Variants in CELF1 observed in about 807,000 individuals in gnomAD.
CELF1 encodes the protein 50 kDa nuclear polyadenylated RNA-binding protein.
CELF1 carries 10 observed loss-of-function variants against 61.8 expected under a neutral mutation model. That is an observed-to-expected ratio of 0.16 (90% confidence interval 0.10 to 0.27). The LOEUF (loss-of-function observed/expected upper bound fraction) is 0.27. Among genes scored for constraint, CELF1 ranks in the 10% least tolerant of loss-of-function variants. The probability of loss-of-function intolerance (pLI) is 1.00; values close to 1 mark genes in which losing one functional copy is unlikely to be tolerated. For synonymous variants in CELF1, 236 were observed against 225.1 expected (o/e 1.05, Z -0.43); for missense variants, 380 against 639.1 (o/e 0.59, Z 4.37).
intron 4 of CELF1, 42 bp from the exon 5 acceptor site, chr11:47,487,283 A>AG: frequency 2.0e-6 from 3 of 1,490,650 alleles, no homozygotes; most frequent in Non-Finnish European, 2.8e-6. Flanking sequence ...TTTGGAAAGC[A>AG]GAGAATTCCT....
intron 1 of CELF1, among the ~76,000 whole-genome samples, chr11:47,519,338 C>T (rs1052590543): frequency 3.3e-5 from 5 of 151,868 alleles, no homozygotes; most frequent in African/African-American, 1.2e-4. Flanking sequence ...CAAATTAGCC[C>T]GGCGTGGAGG....
chr11:47,509,302 C>A (rs1336138059), intron 1 of CELF1, among the ~76,000 whole-genome samples: 1 of 152,154 alleles, frequency 6.6e-6, no homozygotes, highest in South Asian at 2.1e-4. Flanking sequence ...TGGAACTCCA[C>A]GGATGTCTGT....
At chr11:47,563,987 A>G (rs1329464639) in intron 2 of CELF1, among the ~76,000 whole-genome samples, 1 of 151,360 alleles carries the variant, frequency 6.6e-6, no homozygotes, top group African/African-American at 2.4e-5. Context: ...CTTGGGTGAC[A>G]AGAGTGAAAC....
intron 6 of CELF1, 48 bp from the exon 7 acceptor site, chr11:47,484,571 C>T (rs1168271180): frequency 6.4e-7 from 1 of 1,554,100 alleles, no homozygotes. Flanking sequence ...CTTAAAGAGG[C>T]AATGTGGCAC....
intron 1 of CELF1, among the ~76,000 whole-genome samples, chr11:47,512,624 G>A (rs899929164): frequency 6.6e-6 from 1 of 151,978 alleles, no homozygotes; most frequent in African/African-American, 2.4e-5. Flanking sequence ...ACAGATGTGA[G>A]CCTCCGCACC....
rs557002438 is a variant in CELF1 at position 47,482,040 on chromosome 11, T to C, written c.768+655A>G. On this transcript the variant is annotated intron_variant, in intron 9 of 14. Transcript: ENST00000687097. The stretch of plus-strand genomic sequence containing the variant: ...CAACACAGTGAAAGCCCATCCCTAC[T>C]AGAAATACAAAAATTAGCTGGGTGT... Among the ~76,000 whole-genome samples, 6 of 152,118 alleles carry C rather than the reference T, an allele frequency of 3.9e-5. No individual in the cohort carries two copies. In the South Asian group the frequency reaches 1.2e-3, roughly 32 times the overall value.
chr11:47,502,479 AAGTT>A (rs2094021891), intron 1 of CELF1, among the ~76,000 whole-genome samples: 2 of 152,182 alleles, frequency 1.3e-5, no homozygotes, highest in Non-Finnish European at 1.5e-5. Context: ...AATTAAAAGA[AAGTT>A]ATTCACAAAA....
At position 47,484,390 on chromosome 11, in the gene CELF1, T is replaced by C; in HGVS notation, c.525A>G (p.Arg175=). Residue 175 remains arginine, a splice_region_variant and synonymous_variant, in exon 7 of 15, where the codon CGA becomes CGG. Transcript: ENST00000687097. Reference sequence around the variant, plus strand: ...TATTTAAAAGCTAAAACTACCTACCTCGGCTCAGGCCATCAGGTCCCCGCA... The same window carrying C: ...TATTTAAAAGCTAAAACTACCTACCCCGGCTCAGGCCATCAGGTCCCCGCA... The part of the protein sequence containing the change: ...RILRGPDGLS[R]GCAFVTFTTR... The C allele has an allele frequency of 6.2e-7, 1 of 1,610,018 alleles. No homozygotes were observed. The highest frequency in any genetic ancestry group is 8.5e-7 in the Non-Finnish European group (1 of 1,178,960).
At chr11:47,510,556 G>A (rs149281636) in intron 1 of CELF1, among the ~76,000 whole-genome samples, 241 of 152,106 alleles carry the variant, frequency 1.6e-3, no homozygotes, top group African/African-American at 5.4e-3. Flanking sequence ...GTGTCATCTC[G>A]GCTCACTGCA....
chr11:47,530,354 G>A (rs1014015900), intron 1 of CELF1, among the ~76,000 whole-genome samples: 3 of 152,156 alleles, frequency 2.0e-5, no homozygotes, highest in Admixed American at 1.3e-4. Flanking sequence ...AAAAAATTCT[G>A]AACATGGCTC....
intron 1 of CELF1, among the ~76,000 whole-genome samples, chr11:47,521,865 A>G (rs1424734289): frequency 6.6e-6 from 1 of 152,210 alleles, no homozygotes; most frequent in Non-Finnish European, 1.5e-5. Flanking sequence ...TTACTGAGCT[A>G]GAAACATAGT....
chr11:47,528,817 G>A (rs1176894819), intron 1 of CELF1, among the ~76,000 whole-genome samples: 3 of 151,838 alleles, frequency 2.0e-5, no homozygotes, highest in Non-Finnish European at 4.4e-5. Flanking sequence ...TTTGATTCCA[G>A]GAGTTCAAGG....
intron 1 of CELF1, among the ~76,000 whole-genome samples, chr11:47,536,730 C>T (rs2096638886): frequency 6.6e-6 from 1 of 152,132 alleles, no homozygotes; most frequent in African/African-American, 2.4e-5. Flanking sequence ...TGCACTCCAG[C>T]CTGCGTGACA....
intron 1 of CELF1, among the ~76,000 whole-genome samples, chr11:47,547,990 G>C (rs1462817095): frequency 6.6e-6 from 1 of 152,018 alleles, no homozygotes; most frequent in Non-Finnish European, 1.5e-5. Flanking sequence ...TAATGTCACT[G>C]AATTATACAC....
intron 1 of CELF1, among the ~76,000 whole-genome samples, chr11:47,527,080 G>A (rs1028372136): frequency 6.7e-6 from 1 of 148,584 alleles, no homozygotes; most frequent in African/African-American, 2.5e-5. Flanking sequence ...AAAGAAAAAA[G>A]CACTGCCTAG....
At chr11:47,486,845 T>C (rs762106659) in intron 5 of CELF1, 47 bp from the exon 6 acceptor site, 1 of 1,392,410 alleles carries the variant, frequency 7.2e-7, no homozygotes, top group African/African-American at 1.4e-5. Context: ...ATTGATGGTA[T>C]TCAAAAATAC....
intron 1 of CELF1, among the ~76,000 whole-genome samples, chr11:47,540,637 C>T (rs1164846647): frequency 1.3e-5 from 2 of 152,124 alleles, no homozygotes; most frequent in Non-Finnish European, 2.9e-5. Flanking sequence ...GTAATCCCAG[C>T]ACTTTGGGGA....
chr11:47,562,695 T>C (rs971147470), intron 2 of CELF1, among the ~76,000 whole-genome samples: 1 of 151,568 alleles, frequency 6.6e-6, no homozygotes, highest in Non-Finnish European at 1.5e-5. Context: ...CAGATCAGTT[T>C]TTTTTTGTTT....
At chr11:47,539,067 C>T (rs1047449139) in intron 1 of CELF1, among the ~76,000 whole-genome samples, 2 of 152,150 alleles carry the variant, frequency 1.3e-5, no homozygotes, top group African/African-American at 2.4e-5. Flanking sequence ...ACAAACGCCA[C>T]TTAACTAGAA....
Sources: gnomAD v4.1 joint callset for allele counts (sites outside exome capture counted in the v4.1 genomes callset) on GRCh38, gnomAD v4.1.1 for gene constraint, MANE v1.5 for transcripts, NCBI Gene and HGNC (gene_info 2026-07-23, HGNC 2026-07-21) for gene names.